The following CABCOCO1 variants were observed in gnomAD, a reference collection of about 807,000 sequenced individuals.
CABCOCO1 encodes the protein ciliary-associated calcium-binding coiled-coil protein 1.
Under a neutral mutation model 35.7 loss-of-function variants are expected in CABCOCO1, and 28 were observed. The observed-to-expected ratio is 0.78, with a 90% CI of 0.58 to 1.07. CABCOCO1 has a LOEUF of 1.07. Among genes scored for constraint, CABCOCO1 ranks in the 50% least tolerant of loss-of-function variants. The pLI is 0.00. For missense variants in CABCOCO1, 326 were observed against 309.2 expected, an observed-to-expected ratio of 1.05 and a Z score of -0.41; for synonymous variants, 95 against 100.1, an observed-to-expected ratio of 0.95 and a Z score of 0.30.
At chr10:61,736,356 T>C (rs992640034) in intron 5 of CABCOCO1, among the ~76,000 whole-genome samples, 5 of 152,186 alleles carry the variant, frequency 3.3e-5, no homozygotes, top group African/African-American at 1.2e-4. Flanking sequence ...ATCTTCTGCA[T>C]ATGGCTAGCC....
chr10:61,669,553 C>A (rs1839295463), intron 1 of CABCOCO1, among the ~76,000 whole-genome samples: 1 of 151,908 alleles, frequency 6.6e-6, no homozygotes, highest in South Asian at 2.1e-4. Context: ...CCTTCTCATG[C>A]AAGTCACTGT....
intron 1 of CABCOCO1, among the ~76,000 whole-genome samples, chr10:61,669,022 A>G (rs1004447533): frequency 7.9e-6 from 1 of 126,778 alleles, no homozygotes; most frequent in Non-Finnish European, 1.7e-5. Context: ...GGGTTGGGGA[A>G]AAAAAAAAAA....
At chr10:61,756,589 G>A (rs542212104) in intron 5 of CABCOCO1, among the ~76,000 whole-genome samples, 1 of 152,116 alleles carries the variant, frequency 6.6e-6, no homozygotes, top group East Asian at 1.9e-4. Flanking sequence ...CACATTTATT[G>A]CTTTACATTC....
intron 5 of CABCOCO1, among the ~76,000 whole-genome samples, chr10:61,729,804 A>G (rs1273413224): frequency 6.6e-6 from 1 of 152,154 alleles, no homozygotes; most frequent in Non-Finnish European, 1.5e-5. Context: ...CAATTGTGCA[A>G]TATGGACAGC....
chr10:61,745,630 A>G (rs986430984), intron 5 of CABCOCO1, among the ~76,000 whole-genome samples: 1 of 152,160 alleles, frequency 6.6e-6, no homozygotes, highest in Admixed American at 6.6e-5. Context: ...TGCCTATGCC[A>G]TGTTTTGCAC....
At chr10:61,753,578 T>C (rs534996727) in intron 5 of CABCOCO1, among the ~76,000 whole-genome samples, 1 of 152,190 alleles carries the variant, frequency 6.6e-6, no homozygotes, top group Non-Finnish European at 1.5e-5. Flanking sequence ...GGGAATCTTT[T>C]AAAAATGAAT....
At chr10:61,696,001 G>A (rs988682202) in intron 5 of CABCOCO1, among the ~76,000 whole-genome samples, 1 of 152,084 alleles carries the variant, frequency 6.6e-6, no homozygotes. Flanking sequence ...AAGGAATGAA[G>A]AGCAAGTGAA....
intron 4 of CABCOCO1, among the ~76,000 whole-genome samples, chr10:61,687,580 A>G (rs1840005444): frequency 6.6e-6 from 1 of 152,138 alleles, no homozygotes; most frequent in Admixed American, 6.5e-5. Context: ...CCCCTTCTGG[A>G]AGGAGAAGGA....
In CABCOCO1 at chr10:61,681,436, T is replaced by TTA. The variant is rs1482798174; in HGVS notation, c.334+124_334+125insTA. ...ATGAAAAATACGGGTTTTTCCTGAG[T>TTA]ATAACAAATACATAGTTCCTATCTC... On this transcript the variant is annotated intron_variant, in intron 3 of 7. Coordinates refer to ENST00000648843, the MANE Select transcript of CABCOCO1 (RefSeq NM_001366906.2). 1.5e-5 allele frequency: 10 copies of TTA among 653,446 alleles called. 1 individual carries two copies. The highest frequency in any genetic ancestry group is 2.2e-5 in the Non-Finnish European group (9 of 414,540). The allele number at this position is 653,446 out of a possible 1,614,324, so 40.5% of individuals were successfully genotyped here.
intron 5 of CABCOCO1, among the ~76,000 whole-genome samples, chr10:61,723,708 C>G (rs546031771): frequency 6.6e-6 from 1 of 152,132 alleles, no homozygotes; most frequent in Non-Finnish European, 1.5e-5. Flanking sequence ...TCTAGTGTCT[C>G]TTTTAATAAG....
In CABCOCO1 at chr10:61,762,131, G is replaced by A. The variant is rs1262033805; in HGVS notation, c.816+1128G>A. Among the ~76,000 whole-genome samples the A allele has an allele frequency of 2.0e-5, 3 of 152,060 alleles. No individual in the cohort carries two copies. In the South Asian group the frequency reaches 6.2e-4, roughly 31 times the overall value. On this transcript the variant is annotated intron_variant, in intron 7 of 7. Coordinates refer to ENST00000648843, the MANE Select transcript of CABCOCO1 (RefSeq NM_001366906.2). ...TCTGATAACATTTCATCTAAATATA[G>A]TTTATGTATAATCATGGCTCTGGGC...
chr10:61,754,435 T>C (rs976632777), intron 5 of CABCOCO1, among the ~76,000 whole-genome samples: 1 of 152,234 alleles, frequency 6.6e-6, no homozygotes. Flanking sequence ...TCTGATTCAT[T>C]AGAGAGGATT....
intron 5 of CABCOCO1, among the ~76,000 whole-genome samples, chr10:61,698,510 C>T (rs556634739): frequency 6.6e-6 from 1 of 152,094 alleles, no homozygotes; most frequent in Non-Finnish European, 1.5e-5. Flanking sequence ...TAAGTGCTTA[C>T]CTTGACTAGA....
At chr10:61,754,088 A>C (rs71507193) in intron 5 of CABCOCO1, among the ~76,000 whole-genome samples, 2,375 of 152,228 alleles carry the variant, frequency 0.016, 39 homozygotes, top group East Asian at 0.047. Context: ...GAGGTTTAAT[A>C]ATACTTTCCC....
intron 5 of CABCOCO1, among the ~76,000 whole-genome samples, chr10:61,745,406 C>T (rs1841634237): frequency 6.6e-6 from 1 of 152,166 alleles, no homozygotes; most frequent in South Asian, 2.1e-4. Flanking sequence ...CCCACTATGG[C>T]CTCCCTGTCC....
intron 5 of CABCOCO1, among the ~76,000 whole-genome samples, chr10:61,751,642 T>G (rs538236375): frequency 3.7e-5 from 4 of 108,462 alleles, no homozygotes; most frequent in Non-Finnish European, 8.4e-5. Context: ...ACATCGTGAC[T>G]GAAAAATACT....
chr10:61,763,776 A>G (rs940743012), intron 7 of CABCOCO1, among the ~76,000 whole-genome samples: 1 of 151,262 alleles, frequency 6.6e-6, no homozygotes, highest in Non-Finnish European at 1.5e-5. Context: ...ACTACTGAAC[A>G]TATTTTTTTT....
chr10:61,741,001 G>C (rs1841537878), intron 5 of CABCOCO1, among the ~76,000 whole-genome samples: 1 of 151,928 alleles, frequency 6.6e-6, no homozygotes, highest in African/African-American at 2.4e-5. Flanking sequence ...ACAAAAATTA[G>C]CTGAGTGTGG....
At chr10:61,680,739 T>TA (rs1839765277) in intron 2 of CABCOCO1, among the ~76,000 whole-genome samples, 1 of 73,154 alleles carries the variant, frequency 1.4e-5, no homozygotes, top group Non-Finnish European at 3.3e-5. Context: ...ATATATAATA[T>TA]ATATATCTCA....
Sources: allele counts gnomAD v4.1 joint callset (sites outside exome capture counted in the v4.1 genomes callset), GRCh38; gene constraint gnomAD v4.1.1; transcripts MANE v1.5; gene names NCBI Gene and HGNC (gene_info 2026-07-23, HGNC 2026-07-21).